Variants in RELB observed in about 807,000 individuals in gnomAD.
RELB encodes the protein RELB proto-oncogene, NF-kB subunit.
RELB carries 14 observed loss-of-function variants against 55.4 expected under a neutral mutation model. The observed-to-expected ratio is 0.25, with a 90% CI of 0.17 to 0.40. RELB has a LOEUF of 0.40. RELB is among the 10% of genes least tolerant of loss of function. RELB has a pLI of 1.00. For synonymous variants in RELB, 409 were observed against 371.3 expected (o/e 1.10, Z -1.17); for missense variants, 669 against 830.7 (o/e 0.81, Z 2.39).
rs546133357 is a variant in RELB, at chr19:45,012,912, G to C, written c.504+636G>C. ...AAAAATACAAAAATTAGCCAGGTGTGGTGGCACATGGCTGTAGTCCTAGCT... is the reference window on the plus strand; with the variant it reads ...AAAAATACAAAAATTAGCCAGGTGTCGTGGCACATGGCTGTAGTCCTAGCT... On this transcript the variant is annotated intron_variant, in intron 4 of 11. Coordinates refer to ENST00000221452, the MANE Select transcript of RELB (RefSeq NM_006509.4). Among the ~76,000 whole-genome samples the C allele has an allele frequency of 3.0e-4, 45 of 151,914 alleles. No individual in the cohort carries two copies. The Middle Eastern group carries it at 0.017, about 57-fold the overall frequency.
chr19:45,015,746 A>AG, intron 4 of RELB, among the ~76,000 whole-genome samples: 1 of 121,924 alleles, frequency 8.2e-6, no homozygotes, highest in South Asian at 2.3e-4. Flanking sequence ...AAAAAAAAAA[A>AG]GAAAAAAGAA....
At chr19:45,037,069 A>G (rs1412848795) in intron 11 of RELB, among the ~76,000 whole-genome samples, 1 of 152,144 alleles carries the variant, frequency 6.6e-6, no homozygotes, top group Non-Finnish European at 1.5e-5. Flanking sequence ...ACCTGAGGTC[A>G]GGAGTTCGAG....
At chr19:45,001,748 C>A in intron 1 of RELB, 63 bp downstream of exon 1, 1 of 1,153,284 alleles carries the variant, frequency 8.7e-7, no homozygotes, top group East Asian at 2.9e-5. Context: ...GGGATTCTGG[C>A]GGTCCCGGAG....
intron 5 of RELB, among the ~76,000 whole-genome samples, chr19:45,023,138 T>C (rs1314896152): frequency 2.0e-5 from 3 of 152,176 alleles, no homozygotes; most frequent in Non-Finnish European, 2.9e-5. Context: ...AGCAGAGATC[T>C]TGTCTCTTAC....
At chr19:45,027,459 C>T (rs994930850) in intron 7 of RELB, among the ~76,000 whole-genome samples, 1 of 152,082 alleles carries the variant, frequency 6.6e-6, no homozygotes, top group Admixed American at 6.6e-5. Context: ...TGCCTGGCAC[C>T]TCTCCCCGAC....
At chr19:45,016,002 TA>T (rs1382172121) in intron 4 of RELB, among the ~76,000 whole-genome samples, 215 of 151,386 alleles carry the variant, frequency 1.4e-3, no homozygotes, top group African/African-American at 4.7e-3. Flanking sequence ...TTTATTTTAT[TA>T]TTATTTTTTT....
Position 45,025,664 on chromosome 19 carries a change from G to A in RELB, c.813G>A (p.Gln271=). Residue 271 remains glutamine, a synonymous_variant, in exon 7 of 12, where the codon CAG becomes CAA. Transcript: ENST00000221452. Reference sequence around the variant, plus strand: ...TGAATGTGGTGAGGATCTGCTTCCAGGCCTCATATCGGGACCAGCAGGGAC... The same window carrying A: ...TGAATGTGGTGAGGATCTGCTTCCAAGCCTCATATCGGGACCAGCAGGGAC... The part of the protein sequence containing the change: ...VDMNVVRICF[Q]ASYRDQQGQM... 1 of 1,613,990 alleles carries A rather than the reference G, an allele frequency of 6.2e-7. No homozygotes were observed.
intron 1 of RELB, 39 bp from the exon 2 acceptor site, chr19:45,002,910 C>T: frequency 6.3e-7 from 1 of 1,579,340 alleles, no homozygotes; most frequent in Non-Finnish European, 8.7e-7. Flanking sequence ...CCTCTGGCTG[C>T]CCCCCATCAC....
At chr19:45,022,658 C>T (rs947889498) in intron 5 of RELB, among the ~76,000 whole-genome samples, 2 of 151,388 alleles carry the variant, frequency 1.3e-5, no homozygotes, top group African/African-American at 2.4e-5. Context: ...AGTGATTCTC[C>T]TGCCCCAGAC....
chr19:45,012,919 C>T (rs1160661803), intron 4 of RELB, among the ~76,000 whole-genome samples: 2 of 151,518 alleles, frequency 1.3e-5, no homozygotes, highest in African/African-American at 4.8e-5. Flanking sequence ...TGTGGTGGCA[C>T]ATGGCTGTAG....
chr19:45,015,390 T>C (rs372214764), intron 4 of RELB, among the ~76,000 whole-genome samples: 1 of 152,116 alleles, frequency 6.6e-6, no homozygotes. Flanking sequence ...AGGTTTATCT[T>C]GTAGATGGCC....
rs368042377 is a variant in RELB at position 45,022,160 on chromosome 19, C to T, written c.612C>T (p.Thr204=). 23 of 1,612,386 alleles carry T rather than the reference C, an allele frequency of 1.4e-5. No homozygotes were observed. The highest frequency in any genetic ancestry group is 4.4e-5 in the South Asian group (4 of 91,038). Residue 204 remains threonine (T), a synonymous_variant, in exon 5 of 12, where the codon ACC becomes ACT. Transcript: ENST00000221452. ...HPHSLVGKDC[T]DGICRVRLRP... ...ACAGCCTCGTGGGGAAAGACTGCAC[C>T]GACGGCATCTGCAGGGTGCGGCTCC...
chr19:45,017,048 C>A (rs894935141), intron 4 of RELB, among the ~76,000 whole-genome samples: 3 of 152,130 alleles, frequency 2.0e-5, no homozygotes, highest in African/African-American at 7.2e-5. Context: ...TGTCTACTTG[C>A]GGTAGGGTCC....
chr19:45,028,298 A>G (rs1180377463), intron 7 of RELB, among the ~76,000 whole-genome samples: 1 of 152,024 alleles, frequency 6.6e-6, no homozygotes, highest in East Asian at 1.9e-4. Flanking sequence ...CTGGGATTAC[A>G]GGTGTGAGCT....
rs778032097 is a variant in RELB, at chr19:45,037,612, C to A, written c.1562C>A (p.Ala521Asp). The A allele has an allele frequency of 6.2e-7, 1 of 1,604,446 alleles. No homozygotes were observed. The highest frequency in any genetic ancestry group is 1.1e-5 in the South Asian group (1 of 90,462). ...AGCGCTGTTGTGTGCAGCGGAGGTG[C>A]CGGGGCCGTGGTTGGGGAGACCCCC... is the stretch of plus-strand genomic sequence containing the variant. Reference protein sequence around the residue: ...HASAVVCSGGAGAVVGETPGP... With the variant: ...HASAVVCSGGDGAVVGETPGP... Residue 521 changes from alanine (A) to aspartate (D), a missense_variant, in exon 12 of 12, where the codon GCC (alanine) becomes GAC (aspartate). By Grantham distance (126) the Ala-to-Asp change is moderately radical. Around this residue, in one of 3 missense-constraint regions of RELB, gnomAD observed 341 missense variants for 436.8 expected, o/e 0.78. Coordinates refer to ENST00000221452, the MANE Select transcript of RELB (RefSeq NM_006509.4).
chr19:45,017,965 T>C (rs1235415208), intron 4 of RELB, among the ~76,000 whole-genome samples: 1 of 150,380 alleles, frequency 6.6e-6, no homozygotes, highest in Non-Finnish European at 1.5e-5. Flanking sequence ...GTTTGGATGA[T>C]AAAAGAATTT....
Position 45,003,906 on chromosome 19 carries a change from G to GTTTTTTTTTT in RELB, c.154+916_154+917insTTTTTTTTTT, listed in dbSNP as rs1568395564. 3.5e-4 allele frequency among the ~76,000 whole-genome samples: 22 copies of GTTTTTTTTTT among 62,534 alleles called. 4 individuals are homozygous for GTTTTTTTTTT. Among genetic ancestry groups the GTTTTTTTTTT allele is most frequent in the African/African-American group, 1.1e-3 (21 of 18,412 alleles). 41.0% of individuals were successfully genotyped at this position (62,534 alleles called of 152,430 possible). On this transcript the variant is annotated intron_variant, in intron 2 of 11. Transcript: ENST00000221452. ...GTGTGTGTGTGGGTTTTTTTTGTCT[G>GTTTTTTTTTT]TTTTTTGTGTTTTTTTTTTTTTTTT...
At chr19:45,001,774 T>C in intron 1 of RELB, 89 bp downstream of exon 1, 1 of 797,892 alleles carries the variant, frequency 1.3e-6, no homozygotes, top group South Asian at 1.8e-5. Context: ...TGGGGGTTCC[T>C]ATGGGAGTCT....
chr19:45,022,662 C>T (rs1372530841), intron 5 of RELB, among the ~76,000 whole-genome samples: 1 of 151,798 alleles, frequency 6.6e-6, no homozygotes. Flanking sequence ...ATTCTCCTGC[C>T]CCAGACTCCC....
Sources: gnomAD v4.1 joint callset for allele counts (sites outside exome capture counted in the v4.1 genomes callset) on GRCh38, gnomAD v4.1.1 for gene constraint, gnomAD v4.1.1 regional missense constraint, MANE v1.5 for transcripts, NCBI Gene and HGNC (gene_info 2026-07-23, HGNC 2026-07-21) for gene names.